REC114: variants seen among roughly 807,000 people sequenced by gnomAD.
The protein encoded by REC114 is REC114 meiotic recombination protein, also known as meiotic recombination protein REC114.
Under a neutral mutation model 31.3 loss-of-function variants are expected in REC114, and 27 were observed. That is an observed-to-expected ratio of 0.86 (90% CI 0.64 to 1.19). The LOEUF (loss-of-function observed/expected upper bound fraction) is 1.19. REC114 is among the 50% of genes most tolerant of loss of function. The pLI is 0.00. For missense variants in REC114, 344 were observed against 326.9 expected (o/e 1.05, Z -0.40); for synonymous variants, 134 against 127.7 (o/e 1.05, Z -0.33).
At chr15:73,538,558 G>A (rs933893023) in intron 2 of REC114, among the ~76,000 whole-genome samples, 1 of 147,606 alleles carries the variant, frequency 6.8e-6, no homozygotes, top group Non-Finnish European at 1.5e-5. Context: ...CCGGGTTCAC[G>A]CCTTTCTCCT....
intron 1 of REC114, among the ~76,000 whole-genome samples, chr15:73,457,834 A>T (rs1398222695): frequency 2.0e-5 from 3 of 152,162 alleles, no homozygotes; most frequent in African/African-American, 7.2e-5. Context: ...AAGCATTATT[A>T]AATTATCTGC....
intron 2 of REC114, among the ~76,000 whole-genome samples, chr15:73,498,348 T>G (rs1018461191): frequency 2.6e-5 from 4 of 152,132 alleles, no homozygotes; most frequent in Admixed American, 6.5e-5. Context: ...ATGCTAAGTT[T>G]GTGATTTAAG....
intron 2 of REC114, among the ~76,000 whole-genome samples, chr15:73,482,495 A>G (rs2141297737): frequency 6.6e-6 from 1 of 152,318 alleles, no homozygotes; most frequent in Non-Finnish European, 1.5e-5. Flanking sequence ...GGCCTGCAGA[A>G]CTGTGAAACA....
chr15:73,446,881 G>T (rs772434390), intron 1 of REC114, among the ~76,000 whole-genome samples: 7 of 152,178 alleles, frequency 4.6e-5, no homozygotes, highest in Non-Finnish European at 7.3e-5. Flanking sequence ...GATCACTCTG[G>T]CTGTGGTGTG....
In REC114 at chr15:73,560,012, A is replaced by G. The variant is rs545093013; in HGVS notation, c.*96A>G. The stretch of plus-strand genomic sequence containing the variant: ...ATATTAGAATAAAGAGTATTATCCA[A>G]ACACCTTTTATCAATGTTTTATTTT... On this transcript the variant is annotated 3_prime_UTR_variant, in exon 6 of 6. Coordinates refer to ENST00000331090, the MANE Select transcript of REC114 (RefSeq NM_001042367.2). 20 of 1,154,600 alleles carry G rather than the reference A, an allele frequency of 1.7e-5. No homozygotes were observed. The African/African-American group carries it at 3.3e-4, about 19-fold the overall frequency. The allele number at this position is 1,154,600 out of a possible 1,614,324, so 71.5% of individuals were successfully genotyped here.
intron 2 of REC114, among the ~76,000 whole-genome samples, chr15:73,532,345 T>C (rs548276369): frequency 1.0e-3 from 148 of 147,196 alleles, no homozygotes; most frequent in African/African-American, 3.6e-3. Flanking sequence ...TAGTATTCCA[T>C]GGTGTATATG....
chr15:73,478,263 C>CACAA (rs1491510810), intron 2 of REC114, among the ~76,000 whole-genome samples: 2 of 40,332 alleles, frequency 5.0e-5, no homozygotes, highest in Non-Finnish European at 1.0e-4. Flanking sequence ...GACTCTGTCT[C>CACAA]AAAAAAAAAA....
At chr15:73,523,338 G>T (rs1893962387) in intron 2 of REC114, among the ~76,000 whole-genome samples, 1 of 151,970 alleles carries the variant, frequency 6.6e-6, no homozygotes. Context: ...AGGGGGAAAT[G>T]AGGTACAGAA....
At chr15:73,472,755 A>G (rs536534203) in intron 1 of REC114, among the ~76,000 whole-genome samples, 2 of 152,220 alleles carry the variant, frequency 1.3e-5, no homozygotes, top group South Asian at 4.2e-4. Context: ...TCGGTTCCTC[A>G]CTATATCTCG....
rs199664034 is a variant in REC114 at position 73,502,331 on chromosome 15, G to GC, written c.249+28410_249+28411insC. Among the ~76,000 whole-genome samples the GC allele has an allele frequency of 6.1e-3, 924 of 152,182 alleles. 7 individuals are homozygous for GC. Among genetic ancestry groups the GC allele is most frequent in the African/African-American group, 0.021 (879 of 41,514 alleles). On this transcript the variant is annotated intron_variant, in intron 2 of 5. Coordinates refer to ENST00000331090, the MANE Select transcript of REC114 (RefSeq NM_001042367.2). ...TTATTACACTACAGTTGATCCTTCAGGATGCAGGGGTTAGGGGCACCAACC... is the reference window on the plus strand; with the variant it reads ...TTATTACACTACAGTTGATCCTTCAGCGATGCAGGGGTTAGGGGCACCAACC...
At chr15:73,469,915 T>C (rs1567856445) in intron 1 of REC114, among the ~76,000 whole-genome samples, 1 of 152,084 alleles carries the variant, frequency 6.6e-6, no homozygotes, top group Non-Finnish European at 1.5e-5. Flanking sequence ...TGTGCTGAGA[T>C]TGTAGGAGTG....
At chr15:73,493,441 G>T (rs1242518835) in intron 2 of REC114, among the ~76,000 whole-genome samples, 1 of 151,994 alleles carries the variant, frequency 6.6e-6, no homozygotes, top group Non-Finnish European at 1.5e-5. Context: ...GCCCTTTTCT[G>T]TATCTTGAGG....
In REC114 at chr15:73,443,339, T is replaced by G; in HGVS notation, c.154T>G (p.Trp52Gly). 6.4e-7 allele frequency: 1 copy of G among 1,572,720 alleles called. No homozygotes were observed. The change falls in exon 1 of 6, where the codon TGG (tryptophan) becomes GGG (glycine). Residue 52 changes from tryptophan (W) to glycine (G), a missense_variant. Physicochemically the swap from Trp to Gly is radical, Grantham distance 184 (BLOSUM62 -2). Coordinates refer to ENST00000331090, the MANE Select transcript of REC114 (RefSeq NM_001042367.2). ...AGCTGGGACAGCCCCCTGCCCCACATGGAAGGTGAGGCCCGAAGGCAGGAA... is the reference window on the plus strand; with the variant it reads ...AGCTGGGACAGCCCCCTGCCCCACAGGGAAGGTGAGGCCCGAAGGCAGGAA... ...LEAGTAPCPTWKVFDSNEESG... is the reference protein window; with the variant it reads ...LEAGTAPCPTGKVFDSNEESG...
intron 4 of REC114, among the ~76,000 whole-genome samples, chr15:73,553,531 G>A (rs972191761): frequency 1.3e-5 from 2 of 152,196 alleles, no homozygotes; most frequent in Non-Finnish European, 2.9e-5. Flanking sequence ...ACCCAAAAGG[G>A]TTCCAGATTT....
chr15:73,541,000 C>T (rs999325126), intron 3 of REC114, among the ~76,000 whole-genome samples: 1 of 152,164 alleles, frequency 6.6e-6, no homozygotes, highest in African/African-American at 2.4e-5. Flanking sequence ...GAATGATCTT[C>T]ATCAAAGAAA....
At chr15:73,449,355 A>G (rs1352726783) in intron 1 of REC114, among the ~76,000 whole-genome samples, 1 of 152,136 alleles carries the variant, frequency 6.6e-6, no homozygotes, top group East Asian at 1.9e-4. Context: ...AAGCATACAC[A>G]AGTATCAGTA....
At chr15:73,520,163 T>C (rs982620033) in intron 2 of REC114, among the ~76,000 whole-genome samples, 1 of 152,186 alleles carries the variant, frequency 6.6e-6, no homozygotes, top group Admixed American at 6.5e-5. Flanking sequence ...ACACATTGAC[T>C]GATTCAACAA....
intron 1 of REC114, among the ~76,000 whole-genome samples, chr15:73,461,949 A>G (rs1307722028): frequency 6.2e-5 from 5 of 80,178 alleles, no homozygotes; most frequent in South Asian, 3.8e-4. Flanking sequence ...TTTTTTTTTT[A>G]AAGACAGAGT....
At chr15:73,469,020 G>A (rs1893099147) in intron 1 of REC114, among the ~76,000 whole-genome samples, 1 of 152,004 alleles carries the variant, frequency 6.6e-6, no homozygotes, top group Non-Finnish European at 1.5e-5. Flanking sequence ...CTTGTTCTGT[G>A]GCTTAGAATA....
Sources: allele counts gnomAD v4.1 joint callset (sites outside exome capture counted in the v4.1 genomes callset), GRCh38; gene constraint gnomAD v4.1.1; transcripts MANE v1.5; gene names NCBI Gene and HGNC (gene_info 2026-07-23, HGNC 2026-07-21).